ARHGEF17: variants seen among roughly 807,000 people sequenced by gnomAD.
The protein encoded by ARHGEF17 is Rho guanine nucleotide exchange factor 17, also known as 164 kDa Rho-specific guanine-nucleotide exchange factor.
Under a neutral mutation model 174.0 loss-of-function variants are expected in ARHGEF17, and 80 were observed. That is an observed-to-expected ratio of 0.46 (90% confidence interval 0.38 to 0.55). The LOEUF (loss-of-function observed/expected upper bound fraction) is 0.55, where lower values mean the gene tolerates loss of function less well. Ranked by LOEUF, ARHGEF17 falls within the 20% of genes least tolerant of loss-of-function variation. ARHGEF17 has a pLI of 0.00. For synonymous variants in ARHGEF17, 1,311 were observed against 1,189.1 expected (o/e 1.10, Z -2.11); for missense variants, 2,886 against 2,839.7 (o/e 1.02, Z -0.37).
At chr11:73,355,494 GA>G (rs775780473) in intron 3 of ARHGEF17, 38 bp from the exon 4 acceptor site, 16 of 1,434,504 alleles carry the variant, frequency 1.1e-5, no homozygotes, top group Non-Finnish European at 1.4e-5. Context: ...TGGGGTGAGG[GA>G]CACCTTGAGG....
At chr11:73,346,837 T>TG in intron 1 of ARHGEF17, 46 bp from the exon 2 acceptor site, 2 of 1,401,382 alleles carry the variant, frequency 1.4e-6, no homozygotes. Flanking sequence ...TGATGGGGTC[T>TG]GGGGGGAAAA....
intron 1 of ARHGEF17, among the ~76,000 whole-genome samples, chr11:73,340,554 TG>T (rs1389192987): frequency 6.6e-6 from 1 of 152,162 alleles, no homozygotes; most frequent in Non-Finnish European, 1.5e-5. Flanking sequence ...CCCATCCCAC[TG>T]GAACTAGTGA....
chr11:73,335,561 A>G (rs1212089487), intron 1 of ARHGEF17, among the ~76,000 whole-genome samples: 1 of 151,886 alleles, frequency 6.6e-6, no homozygotes, highest in Non-Finnish European at 1.5e-5. Context: ...GAAAAAACCC[A>G]CATTAAAAAA....
chr11:73,356,623 G>C, intron 6 of ARHGEF17, 86 bp from the exon 7 acceptor site: 1 of 1,552,726 alleles, frequency 6.4e-7, no homozygotes, highest in South Asian at 1.2e-5. Flanking sequence ...AGCCCATGGA[G>C]TGGGGCCGAG....
chr11:73,348,840 A>T (rs1027695310), intron 2 of ARHGEF17, among the ~76,000 whole-genome samples: 3 of 152,194 alleles, frequency 2.0e-5, no homozygotes, highest in Non-Finnish European at 4.4e-5. Flanking sequence ...ATGAGAACAC[A>T]GAAGGGGGCC....
At position 73,361,354 on chromosome 11, in the gene ARHGEF17, G is replaced by A. The variant is rs529810489; in HGVS notation, c.4494+193G>A. Among the ~76,000 whole-genome samples, 42 of 152,276 alleles carry A rather than the reference G, an allele frequency of 2.8e-4. 1 individual carries two copies. In the South Asian group the frequency reaches 7.7e-3, roughly 28 times the overall value. The stretch of plus-strand genomic sequence containing the variant: ...GTACACATGTATATGGGTATGCTTC[G>A]TGCATATCTGTATCTGTGCATGTGA... On this transcript the variant is annotated intron_variant, in intron 12 of 20. Transcript: ENST00000263674.
chr11:73,357,392 T>C lies in ARHGEF17; in HGVS notation c.4087+65T>C, dbSNP rs553579391. On this transcript the variant is annotated intron_variant, in intron 9 of 20. Coordinates refer to ENST00000263674, the MANE Select transcript of ARHGEF17 (RefSeq NM_014786.4). ...CTCTGAGAAGCCCTCCTGGAGGGTC[T>C]GAGCTCCAGCCAGTCTGGCTGCCTG... 5.2e-5 allele frequency: 75 copies of C among 1,453,726 alleles called. No individual in the cohort carries two copies. The South Asian group carries it at 8.6e-4, about 17-fold the overall frequency. The allele number at this position is 1,453,726 out of a possible 1,614,324, so 90.1% of individuals were successfully genotyped here.
At chr11:73,332,222 TGTG>T (rs967970169) in intron 1 of ARHGEF17, among the ~76,000 whole-genome samples, 2 of 152,220 alleles carry the variant, frequency 1.3e-5, no homozygotes, top group South Asian at 2.1e-4. Flanking sequence ...GAGGCACAGA[TGTG>T]GTCTTCTGGA....
In ARHGEF17 at chr11:73,364,532, G is replaced by A. The variant is rs1037050717; in HGVS notation, c.5482G>A (p.Gly1828Ser). The change falls in exon 18 of 21, where the codon GGT (glycine) becomes AGT (serine). Residue 1828 changes from glycine (G) to serine (S), a missense_variant. Gly to Ser is a moderately conservative substitution (Grantham distance 56). Around this residue, in one of 4 missense-constraint regions of ARHGEF17, gnomAD observed 329 missense variants for 435.2 expected, o/e 0.76. Transcript: ENST00000263674. ...GSPITKMVSV[G>S]GRLWCGCQNR... ...CCCCATCACCAAGATGGTATCTGTG[G>A]GTGGGCGGCTGTGGTGTGGCTGCCA... 3.1e-6 allele frequency: 5 copies of A among 1,613,866 alleles called. No homozygotes were observed. The highest frequency in any genetic ancestry group is 2.7e-5 in the African/African-American group (2 of 75,026).
chr11:73,348,913 G>A lies in ARHGEF17; in HGVS notation c.3270+1953G>A, dbSNP rs1021007033. Among the ~76,000 whole-genome samples, 8 of 152,184 alleles carry A rather than the reference G, an allele frequency of 5.3e-5. No individual in the cohort carries two copies. In the East Asian group the frequency reaches 9.6e-4, roughly 18 times the overall value. On this transcript the variant is annotated intron_variant, in intron 2 of 20. Transcript: ENST00000263674. ...TTGGGGTATTTAGCTGAGACCTGAA[G>A]GGTGAGTAGATTTCAGCAGAAAGAG...
chr11:73,345,718 C>T (rs1488452668), intron 1 of ARHGEF17, among the ~76,000 whole-genome samples: 12 of 152,182 alleles, frequency 7.9e-5, no homozygotes, highest in Admixed American at 2.6e-4. Context: ...GCCTTGATGG[C>T]AGGAACCCGA....
chr11:73,356,457 G>A (rs1217117467), intron 6 of ARHGEF17, 106 bp downstream of exon 6: 1 of 1,370,750 alleles, frequency 7.3e-7, no homozygotes, highest in African/African-American at 1.5e-5. Context: ...CTGTGTCCAT[G>A]TCCGGAACCA....
At chr11:73,347,588 A>G (rs992978220) in intron 2 of ARHGEF17, among the ~76,000 whole-genome samples, 5 of 152,218 alleles carry the variant, frequency 3.3e-5, no homozygotes, top group Non-Finnish European at 7.3e-5. Flanking sequence ...TCGGAGGTCT[A>G]CGTGGCCAGC....
intron 14 of ARHGEF17, 129 bp downstream of exon 14, chr11:73,362,863 A>C (rs1299416898): frequency 3.4e-5 from 41 of 1,202,812 alleles, no homozygotes; most frequent in Non-Finnish European, 2.9e-5. Context: ...CACACAGAGC[A>C]ATGAGGGCAG....
chr11:73,312,543 T>TTGAGTTGGGGACTCTTGGGGCC (rs1279559628), intron 1 of ARHGEF17, among the ~76,000 whole-genome samples: 1 of 152,118 alleles, frequency 6.6e-6, no homozygotes, highest in African/African-American at 2.4e-5. Flanking sequence ...GCCTGCGGTT[T>TTGAGTTGGGGACTCTTGGGGCC]TGAGTTGGGG....
At chr11:73,339,459 C>T (rs1026879333) in intron 1 of ARHGEF17, among the ~76,000 whole-genome samples, 3 of 152,160 alleles carry the variant, frequency 2.0e-5, no homozygotes, top group African/African-American at 4.8e-5. Context: ...CAGCCATTAC[C>T]GGTTATCTGT....
chr11:73,359,743 C>G (rs1350609711), intron 9 of ARHGEF17, 91 bp from the exon 10 acceptor site: 1 of 1,122,258 alleles, frequency 8.9e-7, no homozygotes, highest in African/African-American at 1.6e-5. Flanking sequence ...CCCGGCCCAG[C>G]TGCAGGCTAT....
chr11:73,362,579 G>T lies in ARHGEF17; in HGVS notation c.4841G>T (p.Gly1614Val). The change falls in exon 14 of 21, where the codon GGC becomes GTC. Residue 1614 changes from glycine to valine, a missense_variant. Physicochemically the swap from Gly to Val is moderately radical, Grantham distance 109. Around this residue, in one of 4 missense-constraint regions of ARHGEF17, gnomAD observed 476 missense variants for 473.1 expected, o/e 1.01. Transcript: ENST00000263674. ...CCCTGCCTTCACATCTCCATTGCAGGCTCGGGCTTGGAGATGACGCCGGGC... is the reference window on the plus strand; with the variant it reads ...CCCTGCCTTCACATCTCCATTGCAGTCTCGGGCTTGGAGATGACGCCGGGC... The part of the protein sequence containing the change: ...PQPCLHISIA[G>V]SGLEMTPGLG... 6.2e-7 allele frequency: 1 copy of T among 1,610,116 alleles called. No homozygotes were observed. Among genetic ancestry groups the T allele is most frequent in the Non-Finnish European group, 8.5e-7 (1 of 1,179,830 alleles).
rs570196247 is a variant in ARHGEF17 at position 73,342,962 on chromosome 11, C to CG, written c.3193-3918dup. The stretch of plus-strand genomic sequence containing the variant: ...AGGAGGCAGCAGCGCCGCCGGCGGC[C>CG]GGGCCGCAGCGCTCAGATCGACGCT... On this transcript the variant is annotated intron_variant, in intron 1 of 20. Coordinates refer to ENST00000263674, the MANE Select transcript of ARHGEF17 (RefSeq NM_014786.4). 1,845 of 197,486 alleles carry CG rather than the reference C, an allele frequency of 9.3e-3. 41 individuals are homozygous for CG. Among genetic ancestry groups the CG allele is most frequent in the African/African-American group, 0.042 (1,752 of 41,924 alleles). The allele number at this position is 197,486 out of a possible 1,614,324, so 12.2% of individuals were successfully genotyped here.
Sources: gnomAD v4.1 joint callset for allele counts (sites outside exome capture counted in the v4.1 genomes callset) on GRCh38, gnomAD v4.1.1 for gene constraint, gnomAD v4.1.1 regional missense constraint, MANE v1.5 for transcripts, NCBI Gene and HGNC (gene_info 2026-07-23, HGNC 2026-07-21) for gene names.